The following LPIN2 variants were observed in gnomAD, a reference collection of about 807,000 sequenced individuals.
LPIN2 encodes lipin 2.
LPIN2 carries 55 observed loss-of-function variants against 111.4 expected under a neutral mutation model. That is an observed-to-expected ratio of 0.49 (90% CI 0.40 to 0.62). LPIN2 has a LOEUF of 0.62. LPIN2 is among the 20% of genes least tolerant of loss of function. The pLI is 0.00. For missense variants in LPIN2, 992 were observed against 1,112.1 expected (o/e 0.89, Z 1.54); for synonymous variants, 425 against 414.0 (o/e 1.03, Z -0.32).
At position 2,920,126 on chromosome 18, in the gene LPIN2, G is replaced by T; in HGVS notation, c.*167C>A. On this transcript the variant is annotated 3_prime_UTR_variant, in exon 20 of 20. Transcript: ENST00000677752. ...CCAGGAGCTGAGCTGCAGACCTGCC[G>T]AGCCTGAGCAGCTGGCCTGGGAAGG... 1.2e-6 allele frequency: 1 copy of T among 862,544 alleles called. No homozygotes were observed. Among genetic ancestry groups the T allele is most frequent in the Non-Finnish European group, 1.8e-6 (1 of 545,574 alleles). The allele number at this position is 862,544 out of a possible 1,614,324, so 53.4% of individuals were successfully genotyped here.
At chr18:2,935,911 C>T (rs1307784175) in intron 7 of LPIN2, among the ~76,000 whole-genome samples, 1 of 152,164 alleles carries the variant, frequency 6.6e-6, no homozygotes, top group African/African-American at 2.4e-5. Flanking sequence ...GTTCCTGTCT[C>T]TAGTCAGATC....
chr18:2,946,190 T>G (rs141092173), intron 4 of LPIN2: 1 of 1,609,734 alleles, frequency 6.2e-7, no homozygotes, highest in Non-Finnish European at 8.5e-7. Context: ...TAATTCCAAA[T>G]TTGTCATTGG....
At chr18:2,965,427 A>C (rs2077782030) in intron 1 of LPIN2, among the ~76,000 whole-genome samples, 1 of 152,178 alleles carries the variant, frequency 6.6e-6, no homozygotes, top group African/African-American at 2.4e-5. Flanking sequence ...TATATGGAGT[A>C]TGGATTTATA....
At chr18:2,928,500 A>T in intron 11 of LPIN2, 91 bp downstream of exon 11, 1 of 1,217,402 alleles carries the variant, frequency 8.2e-7, no homozygotes, top group African/African-American at 1.5e-5. Context: ...TTTGAATAGT[A>T]CCCAGTTCAG....
intron 1 of LPIN2, among the ~76,000 whole-genome samples, chr18:2,994,163 G>A (rs1167412612): frequency 6.6e-6 from 1 of 152,188 alleles, no homozygotes; most frequent in Admixed American, 6.5e-5. Flanking sequence ...AATATCTCAG[G>A]TACCAATACT....
chr18:2,977,424 A>C (rs2078038708), intron 1 of LPIN2, among the ~76,000 whole-genome samples: 1 of 152,176 alleles, frequency 6.6e-6, no homozygotes, highest in Non-Finnish European at 1.5e-5. Context: ...ACCTAGAATC[A>C]AGGATACTCT....
intron 3 of LPIN2, among the ~76,000 whole-genome samples, chr18:2,953,224 C>T (rs1313086081): frequency 2.0e-5 from 3 of 152,076 alleles, no homozygotes; most frequent in African/African-American, 7.2e-5. Flanking sequence ...TAATTTTTAG[C>T]GGAACTGTCA....
At chr18:2,940,488 T>C (rs1260455741) in intron 5 of LPIN2, 117 bp downstream of exon 5, 3 of 662,096 alleles carry the variant, frequency 4.5e-6, no homozygotes, top group Non-Finnish European at 2.7e-6. Flanking sequence ...AAGTAAACAT[T>C]CAGTTCCTTG....
intron 7 of LPIN2, 124 bp downstream of exon 7, chr18:2,937,568 A>G (rs1162591658): frequency 2.8e-6 from 2 of 722,220 alleles, no homozygotes; most frequent in South Asian, 1.8e-5. Context: ...AAAAAAAAAA[A>G]AAAGTGCGAC....
intron 19 of LPIN2, 99 bp downstream of exon 19, chr18:2,920,679 C>G: frequency 1.1e-6 from 1 of 925,402 alleles, no homozygotes; most frequent in Non-Finnish European, 1.8e-6. Context: ...TTGATCAGGG[C>G]CTGATCTCAA....
chr18:2,978,968 C>A (rs1442688159), intron 1 of LPIN2: 2 of 152,324 alleles, frequency 1.3e-5, no homozygotes, highest in Non-Finnish European at 2.9e-5. Flanking sequence ...CTCAGGACCA[C>A]AGGTAGGTGG....
rs778378973 is a variant in LPIN2 at position 2,940,644 on chromosome 18, T to C, written c.659A>G (p.His220Arg). The change falls in exon 5 of 20, where the codon CAT becomes CGT. Residue 220 changes from histidine to arginine, a missense_variant. Around this residue, in one of 4 missense-constraint regions of LPIN2, gnomAD observed 709 missense variants for 753.2 expected, o/e 0.94. Transcript: ENST00000677752. The part of the protein sequence containing the change: ...KEPLLFHSGD[H>R]YPLSDGDWSP... ...CCAATCTCCATCAGATAAGGGGTAA[T>C]GATCCCCAGAATGGAAGAGCAAAGG... The C allele has an allele frequency of 2.5e-6, 4 of 1,613,262 alleles. No individual in the cohort carries two copies. The East Asian group carries it at 8.9e-5, about 36-fold the overall frequency.
In LPIN2 at chr18:2,940,609, C is replaced by T. The variant is rs959123252; in HGVS notation, c.694G>A (p.Glu232Lys). ...AGAAATTTCAAAGATACTTACGTCT[C>T]TAAAGGGGACCAATCTCCATCAGAT... Reference protein sequence around the residue: ...PLSDGDWSPLETTYPQTACPK... With the variant: ...PLSDGDWSPLKTTYPQTACPK... The change falls in exon 5 of 20, where the codon GAG becomes AAG. Residue 232 changes from glutamate to lysine, a missense_variant. Transcript: ENST00000677752. 3 of 1,601,908 alleles carry T rather than the reference C, an allele frequency of 1.9e-6. No homozygotes were observed. Among genetic ancestry groups the T allele is most frequent in the Non-Finnish European group, 1.7e-6 (2 of 1,169,224 alleles).
At chr18:2,945,462 A>G in intron 4 of LPIN2, 3 of 727,872 alleles carry the variant, frequency 4.1e-6, no homozygotes, top group Non-Finnish European at 7.2e-6. Context: ...ACAACAACAA[A>G]ACAAAAGATG....
rs117163865 is a variant in LPIN2, at chr18:2,935,075, C to T, written c.1169-625G>A. 3.9e-5 allele frequency among the ~76,000 whole-genome samples: 6 copies of T among 152,336 alleles called. No homozygotes were observed. The East Asian group carries it at 1.2e-3, about 29-fold the overall frequency. The stretch of plus-strand genomic sequence containing the variant: ...TAAGCCTCTAGACCTGTACTGCCCA[C>T]TCTAGTGACCACCAGCCACATGTGG... On this transcript the variant is annotated intron_variant, in intron 7 of 19. Coordinates refer to ENST00000677752, the MANE Select transcript of LPIN2 (RefSeq NM_001375808.2).
At chr18:3,004,838 G>C (rs1303734754) in intron 1 of LPIN2, among the ~76,000 whole-genome samples, 1 of 152,128 alleles carries the variant, frequency 6.6e-6, no homozygotes, top group Non-Finnish European at 1.5e-5. Context: ...CTCATGCTGT[G>C]AAACACAGGC....
intron 8 of LPIN2, 77 bp from the exon 9 acceptor site, chr18:2,931,520 G>C: frequency 1.4e-6 from 2 of 1,423,970 alleles, no homozygotes; most frequent in Non-Finnish European, 1.9e-6. Flanking sequence ...GGTTCTCTGG[G>C]GGCTCAAACC....
intron 1 of LPIN2, among the ~76,000 whole-genome samples, chr18:2,981,152 G>A (rs985461754): frequency 1.3e-5 from 2 of 152,106 alleles, no homozygotes; most frequent in Admixed American, 1.3e-4. Flanking sequence ...AACTGAAACT[G>A]TCACCTTACA....
chr18:2,925,007 T>G lies in LPIN2; in HGVS notation c.1938+217A>C, dbSNP rs1410917401. The stretch of plus-strand genomic sequence containing the variant: ...ACTCTCAAGAGATGGAGGAAGGAGG[T>G]CTGGGGTGGGTGGCAGGACCCAAGC... On this transcript the variant is annotated intron_variant, in intron 14 of 19. Transcript: ENST00000677752. This position sits in a 1 kb window ranked among gnomAD's most constrained non-coding sequence, Gnocchi z 4.1. Among the ~76,000 whole-genome samples the G allele has an allele frequency of 6.6e-6, 1 of 151,650 alleles. No individual in the cohort carries two copies. Among genetic ancestry groups the G allele is most frequent in the Non-Finnish European group, 1.5e-5 (1 of 67,890 alleles).
Sources: gnomAD v4.1 joint callset for allele counts (sites outside exome capture counted in the v4.1 genomes callset) on GRCh38, gnomAD v4.1.1 for gene constraint, gnomAD v4.1.1 regional missense constraint, Gnocchi (gnomAD v3.1) non-coding constraint, MANE v1.5 for transcripts, NCBI Gene and HGNC (gene_info 2026-07-23, HGNC 2026-07-21) for gene names.